The following STAT4 variants were observed in gnomAD, a reference collection of about 807,000 sequenced individuals.
STAT4 encodes signal transducer and activator of transcription 4.
Under a neutral mutation model 110.5 loss-of-function variants are expected in STAT4, and 42 were observed. That is an observed-to-expected ratio of 0.38 (90% CI 0.30 to 0.49). The LOEUF (loss-of-function observed/expected upper bound fraction) is 0.49, where lower values mean the gene tolerates loss of function less well. STAT4 is among the 20% of genes least tolerant of loss of function. The pLI is 0.95. For missense variants in STAT4, 632 were observed against 887.9 expected (o/e 0.71, Z 3.66); for synonymous variants, 284 against 302.2 (o/e 0.94, Z 0.63).
chr2:191,062,033 G>A lies in STAT4; in HGVS notation c.942-212C>T, dbSNP rs2125230089. ...TTCTTAATTGTTATAATTGAGTCAT[G>A]AATAAAAGCCCCAGTCCATTTAGTA... On this transcript the variant is annotated intron_variant, in intron 9 of 23. Coordinates refer to ENST00000392320, the MANE Select transcript of STAT4 (RefSeq NM_003151.4). This position sits in a 1 kb window ranked among gnomAD's most constrained non-coding sequence, Gnocchi z 4.9. 6.6e-6 allele frequency among the ~76,000 whole-genome samples: 1 copy of A among 152,184 alleles called. No homozygotes were observed. Among genetic ancestry groups the A allele is most frequent in the African/African-American group, 2.4e-5 (1 of 41,528 alleles).
chr2:191,069,940 A>G (rs1207225396), intron 5 of STAT4, among the ~76,000 whole-genome samples, 169 bp from the exon 6 acceptor site: 1 of 152,230 alleles, frequency 6.6e-6, no homozygotes, highest in East Asian at 1.9e-4. Flanking sequence ...AAGTTGGATA[A>G]TGTTGGAAGA....
chr2:191,120,711 T>C (rs1698700031), intron 3 of STAT4, among the ~76,000 whole-genome samples: 1 of 152,338 alleles, frequency 6.6e-6, no homozygotes, highest in Non-Finnish European at 1.5e-5. Context: ...CTGGGAAAAC[T>C]GGCTAGCCAT....
In STAT4 at chr2:191,030,704, G is replaced by A; in HGVS notation, c.2220+268C>T. On this transcript the variant is annotated intron_variant, in intron 23 of 23. Transcript: ENST00000392320. This position sits in a 1 kb window ranked among gnomAD's most constrained non-coding sequence, Gnocchi z 4.4. The stretch of plus-strand genomic sequence containing the variant: ...GTGCAAGCAGCGATAGTGTGCTTGA[G>A]TAGGGTATAGGAATATTTTGCCCTC... 1 of 338,250 alleles carries A rather than the reference G, an allele frequency of 3.0e-6. No individual in the cohort carries two copies. The highest frequency in any genetic ancestry group is 5.6e-6 in the Non-Finnish European group (1 of 178,080). The allele number at this position is 338,250 out of a possible 1,614,324, so 21.0% of individuals were successfully genotyped here. A position where few individuals can be genotyped will look rare whatever the true frequency, so the allele number is the denominator to read the frequency against.
In STAT4 at chr2:191,147,996, T is replaced by G; in HGVS notation, c.128+80A>C. On this transcript the variant is annotated intron_variant, in intron 2 of 23. Transcript: ENST00000392320. This position sits in a 1 kb window ranked among gnomAD's most constrained non-coding sequence, Gnocchi z 4.1. ...AAGAATGCATCTACTGAGTAAAAAG[T>G]GGACCATAAAATAAATTCACATGGA... 1 of 1,583,920 alleles carries G rather than the reference T, an allele frequency of 6.3e-7. No individual in the cohort carries two copies. The highest frequency in any genetic ancestry group is 8.6e-7 in the Non-Finnish European group (1 of 1,165,994).
rs977439713 is a variant in STAT4, at chr2:191,147,652, A to G, written c.128+424T>C. Among the ~76,000 whole-genome samples the G allele has an allele frequency of 6.6e-6, 1 of 152,184 alleles. No homozygotes were observed. The highest frequency in any genetic ancestry group is 1.5e-5 in the Non-Finnish European group (1 of 68,014). On this transcript the variant is annotated intron_variant, in intron 2 of 23. Transcript: ENST00000392320. This position sits in a 1 kb window ranked among gnomAD's most constrained non-coding sequence, Gnocchi z 4.1. ...AATAGTACACCAAAAACAATGGTAAATTTTATGTTATGTGTATTTTACCAC... is the reference window on the plus strand; with the variant it reads ...AATAGTACACCAAAAACAATGGTAAGTTTTATGTTATGTGTATTTTACCAC...
rs181844740 is a variant in STAT4, at chr2:191,036,539, A to G, written c.1435-240T>C. Among the ~76,000 whole-genome samples the G allele has an allele frequency of 2.0e-5, 3 of 152,320 alleles. No individual in the cohort carries two copies. In the East Asian group the frequency reaches 5.8e-4, roughly 29 times the overall value. On this transcript the variant is annotated intron_variant, in intron 16 of 23. Coordinates refer to ENST00000392320, the MANE Select transcript of STAT4 (RefSeq NM_003151.4). ...TAAAACTGTTCAGCAGCTTCCCAGT[A>G]TGATCTCAGGAGTGGAGAGAAGTAA...
At chr2:191,096,942 G>A (rs1406366285) in intron 3 of STAT4, among the ~76,000 whole-genome samples, 3 of 152,152 alleles carry the variant, frequency 2.0e-5, no homozygotes, top group Non-Finnish European at 4.4e-5. Flanking sequence ...CAAAATCAAT[G>A]TGCAAAAATC....
intron 3 of STAT4, among the ~76,000 whole-genome samples, chr2:191,136,117 A>G (rs1699176883): frequency 6.6e-6 from 1 of 152,222 alleles, no homozygotes; most frequent in Non-Finnish European, 1.5e-5. Flanking sequence ...GATAAATCAC[A>G]TCAGCAGAAT....
intron 3 of STAT4, among the ~76,000 whole-genome samples, chr2:191,125,606 GCCA>G (rs1437861624): frequency 6.6e-6 from 1 of 151,662 alleles, no homozygotes. Flanking sequence ...TACCACCTCA[GCCA>G]CCCAAGTAGG....
chr2:191,099,884 T>C lies in STAT4; in HGVS notation c.274-23559A>G, dbSNP rs988529940. Reference sequence around the variant, plus strand: ...CATGAGTGTGTATGCAGTAAAAGTATGAAAAGTTGGTGACCAAAATGTTAA... The same window carrying C: ...CATGAGTGTGTATGCAGTAAAAGTACGAAAAGTTGGTGACCAAAATGTTAA... On this transcript the variant is annotated intron_variant, in intron 3 of 23. Transcript: ENST00000392320. The surrounding 1 kb of genome is among the most constrained non-coding windows in gnomAD (Gnocchi z 4.1). Among the ~76,000 whole-genome samples the C allele has an allele frequency of 8.5e-5, 13 of 152,170 alleles. No individual in the cohort carries two copies. Among genetic ancestry groups the C allele is most frequent in the African/African-American group, 2.9e-4 (12 of 41,458 alleles).
intron 3 of STAT4, among the ~76,000 whole-genome samples, chr2:191,097,568 T>G (rs547214035): frequency 2.5e-4 from 38 of 152,352 alleles, no homozygotes; most frequent in African/African-American, 7.9e-4. Flanking sequence ...GCTAGCCATA[T>G]GTAGAAAACT....
chr2:191,068,269 G>C, intron 6 of STAT4: 1 of 152,096 alleles, frequency 6.6e-6, no homozygotes, highest in East Asian at 1.9e-4. Context: ...TTAGTAGTTT[G>C]CATATAAAAT....
intron 6 of STAT4, among the ~76,000 whole-genome samples, chr2:191,068,861 T>C (rs538295456): frequency 6.6e-6 from 1 of 152,222 alleles, no homozygotes; most frequent in East Asian, 1.9e-4. Flanking sequence ...TCTATTATTA[T>C]TTGTAAATCT....
At chr2:191,096,749 A>T (rs192609642) in intron 3 of STAT4, among the ~76,000 whole-genome samples, 2 of 152,316 alleles carry the variant, frequency 1.3e-5, no homozygotes, top group East Asian at 3.9e-4. Context: ...TATTCAACAC[A>T]GTGTTGGAAG....
In STAT4 at chr2:191,135,783, A is replaced by G. The variant is rs1699163591; in HGVS notation, c.273+10830T>C. Among the ~76,000 whole-genome samples the G allele has an allele frequency of 6.6e-6, 1 of 152,120 alleles. No individual in the cohort carries two copies. Among genetic ancestry groups the G allele is most frequent in the Non-Finnish European group, 1.5e-5 (1 of 68,016 alleles). On this transcript the variant is annotated intron_variant, in intron 3 of 23. Transcript: ENST00000392320. This position sits in a 1 kb window ranked among gnomAD's most constrained non-coding sequence, Gnocchi z 4.8. ...CACTTGACCTTTACTGCCAAATTCT[A>G]TCAAACTTTCATAGAAGAACTAACA...
At position 191,135,964 on chromosome 2, in the gene STAT4, T is replaced by C. The variant is rs1381175878; in HGVS notation, c.273+10649A>G. Among the ~76,000 whole-genome samples, 2 of 146,210 alleles carry C rather than the reference T, an allele frequency of 1.4e-5. No homozygotes were observed. Among genetic ancestry groups the C allele is most frequent in the Non-Finnish European group, 3.0e-5 (2 of 67,282 alleles). On this transcript the variant is annotated intron_variant, in intron 3 of 23. Transcript: ENST00000392320. The surrounding 1 kb of genome is among the most constrained non-coding windows in gnomAD (Gnocchi z 4.8). Reference sequence around the variant, plus strand: ...CCCTGATGAATACTGATGCAAAATTTGTCAACAAAATACTAGCAAATCAAA... The same window carrying C: ...CCCTGATGAATACTGATGCAAAATTCGTCAACAAAATACTAGCAAATCAAA...
In STAT4 at chr2:191,066,640, A is replaced by G; in HGVS notation, c.545-125T>C. 1.5e-5 allele frequency: 11 copies of G among 729,428 alleles called. No individual in the cohort carries two copies. The highest frequency in any genetic ancestry group is 2.7e-5 in the Admixed American group (1 of 37,432). The allele number at this position is 729,428 out of a possible 1,614,324, so 45.2% of individuals were successfully genotyped here. A position where few individuals can be genotyped will look rare whatever the true frequency, so the allele number is the denominator to read the frequency against. ...ATGTGGTAAGAGACTAATTGGGTTC[A>G]CTAGAGGTGAGCTTGGAAGTCTGTC... On this transcript the variant is annotated intron_variant, in intron 6 of 23. Coordinates refer to ENST00000392320, the MANE Select transcript of STAT4 (RefSeq NM_003151.4). The surrounding 1 kb of genome is among the most constrained non-coding windows in gnomAD (Gnocchi z 4.3).
At chr2:191,073,288 G>T in intron 4 of STAT4, 98 bp from the exon 5 acceptor site, 1 of 894,822 alleles carries the variant, frequency 1.1e-6, no homozygotes, top group Non-Finnish European at 1.8e-6. Context: ...CTGGATCAAT[G>T]TGATATGGAT....
At chr2:191,151,279 C>T (rs1051820090), upstream of STAT4, 6 of 985,536 alleles carry the variant, frequency 6.1e-6, no homozygotes, top group Non-Finnish European at 6.0e-6. This position sits in a 1 kb window ranked among gnomAD's most constrained non-coding sequence, Gnocchi z 4.7. Context: ...GCGGGGCATA[C>T]ATTTTCTTCA....
Sources: gnomAD v4.1 joint callset for allele counts (sites outside exome capture counted in the v4.1 genomes callset) on GRCh38, gnomAD v4.1.1 for gene constraint, Gnocchi (gnomAD v3.1) non-coding constraint, MANE v1.5 for transcripts, NCBI Gene and HGNC (gene_info 2026-07-23, HGNC 2026-07-21) for gene names.